TBC1D22B: variants seen among roughly 807,000 people sequenced by gnomAD.
The protein encoded by TBC1D22B is TBC1 domain family member 22B, also known as chromosome 6 open reading frame 197.
TBC1D22B carries 32 observed loss-of-function variants against 69.1 expected under a neutral mutation model. The ratio of observed to expected loss-of-function variants is 0.46; its 90% CI spans 0.35 to 0.62. The LOEUF is 0.62. TBC1D22B is among the 20% of genes least tolerant of loss of function. The pLI, the probability that TBC1D22B is intolerant of heterozygous loss-of-function variation, is 0.00. For missense variants in TBC1D22B, 462 were observed against 630.9 expected (o/e 0.73, Z 2.87); for synonymous variants, 206 against 229.8 (o/e 0.90, Z 0.94).
chr6:37,330,918 G>A, intron 12 of TBC1D22B, 126 bp from the exon 13 acceptor site: 1 of 940,636 alleles, frequency 1.1e-6, no homozygotes, highest in Non-Finnish European at 1.7e-6. Context: ...GAAGGAGGCT[G>A]GACTCTTTGA....
At chr6:37,305,858 T>C (rs541102471) in intron 8 of TBC1D22B, among the ~76,000 whole-genome samples, 35 of 152,294 alleles carry the variant, frequency 2.3e-4, no homozygotes, top group Non-Finnish European at 5.1e-4. Flanking sequence ...ATTTGAATCA[T>C]ATAGTAAGAA....
rs931143443 is a variant in TBC1D22B, at chr6:37,314,952, C to T, written c.1165+1061C>T. Among the ~76,000 whole-genome samples the T allele has an allele frequency of 6.6e-5, 10 of 151,938 alleles. No homozygotes were observed. The East Asian group carries it at 1.5e-3, about 24-fold the overall frequency. On this transcript the variant is annotated intron_variant, in intron 10 of 12. Coordinates refer to ENST00000373491, the MANE Select transcript of TBC1D22B (RefSeq NM_017772.4). ...TATGTCACATGTGGAATTTTTTTTC[C>T]GCTGTGTCTTATCACCCTGGCCCAG... is the stretch of plus-strand genomic sequence containing the variant.
At position 37,291,295 on chromosome 6, in the gene TBC1D22B, A is replaced by G. The variant is rs1159587791; in HGVS notation, c.920A>G (p.Tyr307Cys). ...GCCATCCGCCACCCTGCCAGTGGGT[A>G]TGTCCAGGGAATTAATGACCTGGTC... Reference protein sequence around the residue: ...IWAIRHPASGYVQGINDLVTP... With the variant: ...IWAIRHPASGCVQGINDLVTP... The change falls in exon 8 of 13, where the codon TAT becomes TGT. Residue 307 changes from tyrosine (Y) to cysteine (C), a missense_variant. Tyr to Cys is a radical substitution (Grantham distance 194, BLOSUM62 -2). Coordinates refer to ENST00000373491, the MANE Select transcript of TBC1D22B (RefSeq NM_017772.4). 2 of 1,613,852 alleles carry G rather than the reference A, an allele frequency of 1.2e-6. No homozygotes were observed. The highest frequency in any genetic ancestry group is 1.7e-6 in the Non-Finnish European group (2 of 1,179,938).
At chr6:37,314,132 C>T (rs541936450) in intron 10 of TBC1D22B, among the ~76,000 whole-genome samples, 1 of 152,322 alleles carries the variant, frequency 6.6e-6, no homozygotes, top group South Asian at 2.1e-4. Flanking sequence ...TATCGGTTCT[C>T]CTTCAGCAGC....
chr6:37,298,451 A>G (rs779820671), intron 8 of TBC1D22B, among the ~76,000 whole-genome samples: 116 of 151,652 alleles, frequency 7.6e-4, no homozygotes, highest in Middle Eastern at 3.4e-3. Context: ...GATCCACTTC[A>G]TTATTTTCAG....
At chr6:37,328,880 C>T (rs1768504875) in intron 12 of TBC1D22B, among the ~76,000 whole-genome samples, 1 of 152,034 alleles carries the variant, frequency 6.6e-6, no homozygotes, top group African/African-American at 2.4e-5. Context: ...GCGGCCACCA[C>T]AATGCCTGGC....
intron 1 of TBC1D22B, among the ~76,000 whole-genome samples, chr6:37,265,179 T>C (rs1421220167): frequency 6.6e-6 from 1 of 152,262 alleles, no homozygotes; most frequent in Non-Finnish European, 1.5e-5. Flanking sequence ...CCATCATTTA[T>C]CTTAGCCTTC....
chr6:37,307,450 G>A (rs987411695), intron 8 of TBC1D22B, among the ~76,000 whole-genome samples: 1 of 151,384 alleles, frequency 6.6e-6, no homozygotes, highest in Admixed American at 6.6e-5. Flanking sequence ...CTGCCTCCCG[G>A]GTTCAAGCAA....
intron 10 of TBC1D22B, among the ~76,000 whole-genome samples, chr6:37,316,248 G>A (rs532830290): frequency 3.9e-4 from 59 of 152,318 alleles, no homozygotes; most frequent in African/African-American, 1.3e-3. Context: ...GAGTTTGTGA[G>A]CCCCTTTCGC....
chr6:37,312,853 A>C, intron 8 of TBC1D22B, 65 bp from the exon 9 acceptor site: 2 of 1,380,554 alleles, frequency 1.4e-6, no homozygotes, highest in Non-Finnish European at 2.1e-6. Flanking sequence ...AAGACACTCG[A>C]ATCTATCTTT....
At chr6:37,300,887 C>G (rs1330827366) in intron 8 of TBC1D22B, among the ~76,000 whole-genome samples, 2 of 152,278 alleles carry the variant, frequency 1.3e-5, no homozygotes, top group East Asian at 1.9e-4. Context: ...GCTGTGGGCA[C>G]ATGGTTGTAC....
intron 8 of TBC1D22B, among the ~76,000 whole-genome samples, chr6:37,301,411 G>A (rs1032295674): frequency 6.6e-6 from 1 of 152,082 alleles, no homozygotes; most frequent in Admixed American, 6.5e-5. Flanking sequence ...CTCCCATCCC[G>A]TGTATCCCTG....
At chr6:37,263,643 G>A (rs926284057) in intron 1 of TBC1D22B, among the ~76,000 whole-genome samples, 2 of 152,202 alleles carry the variant, frequency 1.3e-5, no homozygotes, top group Non-Finnish European at 2.9e-5. Context: ...GAGTGCAGTG[G>A]CCCGATCTCC....
chr6:37,306,856 A>G (rs1767733261), intron 8 of TBC1D22B, among the ~76,000 whole-genome samples: 1 of 152,216 alleles, frequency 6.6e-6, no homozygotes, highest in Non-Finnish European at 1.5e-5. Flanking sequence ...TCTTCAAAAT[A>G]GCACATCTCC....
intron 2 of TBC1D22B, among the ~76,000 whole-genome samples, chr6:37,277,192 T>C (rs1265231996): frequency 2.0e-5 from 3 of 152,192 alleles, no homozygotes; most frequent in Non-Finnish European, 4.4e-5. Context: ...TAAAGAATTC[T>C]CAGAACATCC....
At chr6:37,270,903 A>G (rs954132395) in intron 2 of TBC1D22B, among the ~76,000 whole-genome samples, 7 of 152,212 alleles carry the variant, frequency 4.6e-5, no homozygotes, top group African/African-American at 1.7e-4. Context: ...GGAAAAGGCA[A>G]AACATGGAGA....
chr6:37,291,196 G>A, intron 7 of TBC1D22B, 47 bp from the exon 8 acceptor site: 2 of 1,309,772 alleles, frequency 1.5e-6, no homozygotes, highest in Admixed American at 3.5e-5. Flanking sequence ...GAAGGAGTGT[G>A]TGTCCCCGTG....
At chr6:37,270,525 A>G (rs1376121126) in intron 2 of TBC1D22B, among the ~76,000 whole-genome samples, 2 of 152,164 alleles carry the variant, frequency 1.3e-5, no homozygotes, top group Non-Finnish European at 2.9e-5. Context: ...CTAATAAATT[A>G]TTTTCAAGCA....
At chr6:37,326,106 G>A (rs1768394876) in intron 12 of TBC1D22B, among the ~76,000 whole-genome samples, 1 of 152,134 alleles carries the variant, frequency 6.6e-6, no homozygotes. Flanking sequence ...TCTCGGCTGG[G>A]CGCGGTGGCT....
Sources: gnomAD v4.1 joint callset for allele counts (sites outside exome capture counted in the v4.1 genomes callset) on GRCh38, gnomAD v4.1.1 for gene constraint, MANE v1.5 for transcripts, NCBI Gene and HGNC (gene_info 2026-07-23, HGNC 2026-07-21) for gene names.